Variants in PDE4D observed in about 807,000 individuals in gnomAD.
The protein encoded by PDE4D is phosphodiesterase 4D, also known as 3',5'-cyclic-AMP phosphodiesterase 4D.
PDE4D carries 24 observed loss-of-function variants against 87.4 expected under a neutral mutation model. The observed-to-expected ratio is 0.27, with a 90% CI of 0.20 to 0.39. PDE4D has a LOEUF of 0.39. Among genes scored for constraint, PDE4D ranks in the 10% least tolerant of loss-of-function variants. The probability of loss-of-function intolerance (pLI) is 1.00; values close to 1 mark genes in which losing one functional copy is unlikely to be tolerated. For synonymous variants in PDE4D, 384 were observed against 383.2 expected (o/e 1.00, Z -0.02); for missense variants, 714 against 1,041.0 (o/e 0.69, Z 4.32).
chr5:60,306,070 G>T (rs912053253), intron 1 of PDE4D, among the ~76,000 whole-genome samples: 1 of 151,942 alleles, frequency 6.6e-6, no homozygotes, highest in African/African-American at 2.4e-5. Flanking sequence ...TTAGATAGAG[G>T]CAGATGAAAG....
At chr5:58,989,976 A>G in intron 9 of PDE4D, 57 bp from the exon 10 acceptor site, 1 of 1,060,648 alleles carries the variant, frequency 9.4e-7, no homozygotes, top group Non-Finnish European at 1.3e-6. Flanking sequence ...ATTTCTCCAT[A>G]GAGTATGTTT....
chr5:59,678,004 A>C lies in PDE4D; in HGVS notation c.455+215164T>G, dbSNP rs140593436. On this transcript the variant is annotated intron_variant, in intron 1 of 14. Coordinates refer to ENST00000340635, the MANE Select transcript of PDE4D (RefSeq NM_001104631.2). ...GCTATTAAGCACATAAGTACTGAACAAATGCTAAATCAACAAATAAATAAT... is the reference window on the plus strand; with the variant it reads ...GCTATTAAGCACATAAGTACTGAACCAATGCTAAATCAACAAATAAATAAT... 3.2e-3 allele frequency among the ~76,000 whole-genome samples: 480 copies of C among 152,370 alleles called. 2 individuals carry two copies. Among genetic ancestry groups the C allele is most frequent in the African/African-American group, 0.011 (448 of 41,588 alleles).
chr5:59,572,549 G>C (rs575808876), intron 1 of PDE4D, among the ~76,000 whole-genome samples: 5 of 152,138 alleles, frequency 3.3e-5, no homozygotes, highest in South Asian at 2.1e-4. Flanking sequence ...GGCGCTATCT[G>C]GGCTCACTGC....
intron 3 of PDE4D, chr5:59,986,610 T>C (rs956220946): frequency 1.3e-5 from 2 of 152,188 alleles, no homozygotes. Flanking sequence ...TGGTGTGTAG[T>C]AAACAGTTAA....
upstream of PDE4D, among the ~76,000 whole-genome samples, chr5:60,492,161 G>T (rs186153830): frequency 2.1e-3 from 313 of 151,286 alleles, 6 homozygotes; most frequent in Admixed American, 0.016. Context: ...AGCTAGAAAT[G>T]GTGGCTCGCC....
intron 2 of PDE4D, among the ~76,000 whole-genome samples, chr5:60,073,012 T>C (rs1407514313): frequency 1.3e-5 from 2 of 152,080 alleles, no homozygotes; most frequent in Non-Finnish European, 2.9e-5. Context: ...TTTCTTTCTC[T>C]TGCCTGATAG....
At chr5:59,971,337 C>A in intron 3 of PDE4D, among the ~76,000 whole-genome samples, 1 of 118,884 alleles carries the variant, frequency 8.4e-6, no homozygotes, top group South Asian at 2.6e-4. Flanking sequence ...TACACATGTA[C>A]CCTAAAACTT....
intron 5 of PDE4D, among the ~76,000 whole-genome samples, chr5:59,058,296 T>G (rs764652978): frequency 6.6e-6 from 1 of 152,142 alleles, no homozygotes; most frequent in Non-Finnish European, 1.5e-5. Flanking sequence ...TGTCACATGA[T>G]TAGTGTAACT....
chr5:59,760,937 T>TA, intron 1 of PDE4D, among the ~76,000 whole-genome samples: 1 of 152,168 alleles, frequency 6.6e-6, no homozygotes, highest in Non-Finnish European at 1.5e-5. Flanking sequence ...GCTGGGTTTT[T>TA]AGAGGCAAAT....
chr5:59,615,126 G>C (rs776989970), intron 1 of PDE4D, among the ~76,000 whole-genome samples: 3 of 152,094 alleles, frequency 2.0e-5, no homozygotes, highest in Non-Finnish European at 4.4e-5. Context: ...CACCACGCCT[G>C]GCTGGGATAT....
chr5:59,857,442 T>C (rs1450947446), intron 1 of PDE4D, among the ~76,000 whole-genome samples: 1 of 152,152 alleles, frequency 6.6e-6, no homozygotes, highest in African/African-American at 2.4e-5. Flanking sequence ...CTCTTATATT[T>C]TCAAAATATA....
At chr5:59,268,135 A>C (rs1763160591) in intron 1 of PDE4D, among the ~76,000 whole-genome samples, 1 of 151,940 alleles carries the variant, frequency 6.6e-6, no homozygotes, top group Non-Finnish European at 1.5e-5. Context: ...GTGTTTTTCT[A>C]ACTCTTATTC....
chr5:60,009,225 T>C (rs996549363), intron 2 of PDE4D, among the ~76,000 whole-genome samples: 1 of 152,058 alleles, frequency 6.6e-6, no homozygotes, highest in Non-Finnish European at 1.5e-5. Flanking sequence ...ACTCCTCAGA[T>C]ACACTGGTCT....
chr5:60,422,611 C>T (rs1456692500), intron 1 of PDE4D, among the ~76,000 whole-genome samples: 2 of 152,142 alleles, frequency 1.3e-5, no homozygotes, highest in African/African-American at 4.8e-5. Flanking sequence ...TAAAGACCAT[C>T]GACACCATGA....
chr5:59,549,564 T>C (rs1446105659), intron 1 of PDE4D, among the ~76,000 whole-genome samples: 1 of 152,162 alleles, frequency 6.6e-6, no homozygotes, highest in Non-Finnish European at 1.5e-5. Flanking sequence ...TGATTTCAAA[T>C]GGTTATAGGG....
chr5:59,157,707 G>A (rs965598907), intron 5 of PDE4D, among the ~76,000 whole-genome samples: 5 of 152,142 alleles, frequency 3.3e-5, no homozygotes, highest in African/African-American at 1.2e-4. Context: ...GAAGAGAGGA[G>A]ACTTAAAGCA....
chr5:60,219,053 T>C (rs1439923550), intron 1 of PDE4D, among the ~76,000 whole-genome samples: 2 of 152,162 alleles, frequency 1.3e-5, no homozygotes, highest in African/African-American at 2.4e-5. Context: ...AAATAGCATA[T>C]ACAGCAGCCT....
chr5:59,473,485 C>A (rs927663566), intron 1 of PDE4D, among the ~76,000 whole-genome samples: 2 of 152,056 alleles, frequency 1.3e-5, no homozygotes, highest in Admixed American at 6.6e-5. Context: ...ACCAAAGGTA[C>A]TTTTCCTTCC....
At chr5:60,299,515 A>G (rs778450066) in intron 1 of PDE4D, among the ~76,000 whole-genome samples, 24 of 152,092 alleles carry the variant, frequency 1.6e-4, no homozygotes, top group Non-Finnish European at 3.2e-4. Context: ...TAAGCCCAGT[A>G]TACATTACCT....
Sources: allele counts gnomAD v4.1 joint callset (sites outside exome capture counted in the v4.1 genomes callset), GRCh38; gene constraint gnomAD v4.1.1; transcripts MANE v1.5; gene names NCBI Gene and HGNC (gene_info 2026-07-23, HGNC 2026-07-21).